ADISSP: variants seen among roughly 807,000 people sequenced by gnomAD.
The protein encoded by ADISSP is adipose secreted signaling protein, also known as adipose-secreted signaling protein.
the ADISSP span, chr20:3,753,853 CAG>C: frequency 1.7e-6 from 1 of 601,248 alleles, no homozygotes. Flanking sequence ...CTGAGGCACA[CAG>C]AGAGGAGGAA....
At chr20:3,759,953 G>T in the ADISSP span, 2 of 1,425,384 alleles carry the variant, frequency 1.4e-6, no homozygotes, top group Non-Finnish European at 9.7e-7. The surrounding 1 kb of genome is among the most constrained non-coding windows in gnomAD (Gnocchi z 4.6). Context: ...TCGCACACCA[G>T]CACACACGCA....
At chr20:3,767,073 C>T in the ADISSP span, 1 of 152,218 alleles carries the variant, frequency 6.6e-6, no homozygotes, top group Non-Finnish European at 1.5e-5. Context: ...GGCACCCCCG[C>T]CACACCCCAT....
the ADISSP span, chr20:3,758,560 C>T: frequency 6.2e-7 from 1 of 1,613,772 alleles, no homozygotes; most frequent in Non-Finnish European, 8.5e-7. This position sits in a 1 kb window ranked among gnomAD's most constrained non-coding sequence, Gnocchi z 5.5. Context: ...TGCTGTCACT[C>T]TCCTGGGTGA....
At chr20:3,755,157 G>C in the ADISSP span, among the ~76,000 whole-genome samples, 3 of 152,164 alleles carry the variant, frequency 2.0e-5, no homozygotes, top group Non-Finnish European at 4.4e-5. Flanking sequence ...TTTCTAGAGG[G>C]TTAGGGAGGC....
chr20:3,755,929 T>C, the ADISSP span, among the ~76,000 whole-genome samples: 1,753 of 152,284 alleles, frequency 0.012, 19 homozygotes, highest in Middle Eastern at 0.027. Flanking sequence ...GGCTATGTAG[T>C]GTGGCCAGGG....
the ADISSP span, chr20:3,768,309 C>T: frequency 3.9e-5 from 6 of 152,662 alleles, no homozygotes; most frequent in Admixed American, 3.9e-4. Context: ...ACCCCATCCC[C>T]TGTCTCGAAA....
the ADISSP span, among the ~76,000 whole-genome samples, chr20:3,763,270 A>C: frequency 8.5e-4 from 126 of 148,874 alleles, 1 homozygote; most frequent in African/African-American, 3.1e-3. Flanking sequence ...AAAAAAAAAA[A>C]AAAAAGGCCG....
At chr20:3,755,569 G>C in the ADISSP span, 1 of 1,612,982 alleles carries the variant, frequency 6.2e-7, no homozygotes, top group East Asian at 2.2e-5. Flanking sequence ...GCAGAGTGAA[G>C]GTAATCTCAT....
chr20:3,754,418 T>C, the ADISSP span: 1 of 1,613,912 alleles, frequency 6.2e-7, no homozygotes, highest in Non-Finnish European at 8.5e-7. Context: ...GCCTGCACCG[T>C]CACGCGCACA....
At chr20:3,754,473 G>A in the ADISSP span, 4 of 1,614,044 alleles carry the variant, frequency 2.5e-6, no homozygotes, top group South Asian at 3.3e-5. Context: ...TCTCCTCTTT[G>A]AGGACGCCCT....
At chr20:3,760,239 G>A in the ADISSP span, 5 of 660,076 alleles carry the variant, frequency 7.6e-6, no homozygotes, top group South Asian at 1.8e-5. Context: ...ATGGACCCAT[G>A]GCTCAGGGAC....
chr20:3,757,778 G>A, the ADISSP span, among the ~76,000 whole-genome samples: 41 of 152,200 alleles, frequency 2.7e-4, no homozygotes, highest in South Asian at 6.2e-4. Context: ...ACAGGCGTGC[G>A]CCACCACGCT....
At chr20:3,753,865 A>G in the ADISSP span, 4 of 600,000 alleles carry the variant, frequency 6.7e-6, no homozygotes, top group Non-Finnish European at 1.2e-5. Flanking sequence ...GAGAGGAGGA[A>G]GTGGGAGAGG....
the ADISSP span, chr20:3,758,584 G>A: frequency 6.2e-7 from 1 of 1,614,020 alleles, no homozygotes; most frequent in Non-Finnish European, 8.5e-7. This position sits in a 1 kb window ranked among gnomAD's most constrained non-coding sequence, Gnocchi z 5.5. Flanking sequence ...TGACCACCGA[G>A]TCATGCAGCT....
chr20:3,753,693 C>T, the ADISSP span: 1,268 of 317,964 alleles, frequency 4.0e-3, 14 homozygotes, highest in African/African-American at 0.025. Flanking sequence ...AATGGGGCCA[C>T]GACGCCACAG....
chr20:3,755,447 C>T, the ADISSP span: 2 of 1,601,168 alleles, frequency 1.2e-6, no homozygotes, highest in East Asian at 2.2e-5. Context: ...CCATCCAGGC[C>T]CTGCTGGAGG....
chr20:3,758,353 T>G, the ADISSP span, among the ~76,000 whole-genome samples: 1 of 152,140 alleles, frequency 6.6e-6, no homozygotes, highest in Non-Finnish European at 1.5e-5. This position sits in a 1 kb window ranked among gnomAD's most constrained non-coding sequence, Gnocchi z 5.5. Context: ...CTGGATGACA[T>G]TCTAAATGCT....
chr20:3,756,765 C>G, the ADISSP span, among the ~76,000 whole-genome samples: 1 of 152,204 alleles, frequency 6.6e-6, no homozygotes, highest in Non-Finnish European at 1.5e-5. Flanking sequence ...GAAAAATACT[C>G]TTCGCTGCCC....
At chr20:3,765,203 C>T in the ADISSP span, among the ~76,000 whole-genome samples, 6,129 of 152,270 alleles carry the variant, frequency 0.04, 419 homozygotes, top group African/African-American at 0.14. Flanking sequence ...CTTGTGCACA[C>T]ACAATTCCTC....
Sources: allele counts gnomAD v4.1 joint callset (sites outside exome capture counted in the v4.1 genomes callset), GRCh38; gene constraint gnomAD v4.1.1; non-coding constraint Gnocchi (gnomAD v3.1); transcripts MANE v1.5; gene names NCBI Gene and HGNC (gene_info 2026-07-23, HGNC 2026-07-21).